MAPK8IP3: variants seen among roughly 807,000 people sequenced by gnomAD.
MAPK8IP3 encodes mitogen-activated protein kinase 8 interacting protein 3.
MAPK8IP3 carries 49 observed loss-of-function variants against 157.8 expected under a neutral mutation model. The observed-to-expected ratio is 0.31, with a 90% confidence interval of 0.25 to 0.39. The LOEUF is 0.39. MAPK8IP3 is among the 10% of genes least tolerant of loss of function. The pLI is 1.00. For missense variants in MAPK8IP3, 1,478 were observed against 1,889.4 expected, an observed-to-expected ratio of 0.78 and a Z score of 4.04; for synonymous variants, 897 against 777.7, an observed-to-expected ratio of 1.15 and a Z score of -2.55.
chr16:1,715,401 G>A (rs1170036087), intron 1 of MAPK8IP3, among the ~76,000 whole-genome samples: 2 of 152,170 alleles, frequency 1.3e-5, no homozygotes, highest in Admixed American at 1.3e-4. Context: ...TGTGGGAAAT[G>A]GAAAGAGCTC....
chr16:1,723,809 C>T (rs1410441196), intron 1 of MAPK8IP3, among the ~76,000 whole-genome samples: 1 of 152,188 alleles, frequency 6.6e-6, no homozygotes, highest in African/African-American at 2.4e-5. Flanking sequence ...TCACTGGCCC[C>T]CAGGCTCCTC....
chr16:1,742,539 G>A lies in MAPK8IP3; in HGVS notation c.603-793G>A, dbSNP rs1485001177. ...GGTCAGTCCTTACTCTGGATGTGTC[G>A]TGTTCAGATATTTTGCAGTGAGGCA... On this transcript the variant is annotated intron_variant, in intron 4 of 31. Transcript: ENST00000610761. This position sits in a 1 kb window ranked among gnomAD's most constrained non-coding sequence, Gnocchi z 5.0. 1.3e-5 allele frequency among the ~76,000 whole-genome samples: 2 copies of A among 152,178 alleles called. No homozygotes were observed. Among genetic ancestry groups the A allele is most frequent in the African/African-American group, 2.4e-5 (1 of 41,438 alleles).
intron 1 of MAPK8IP3, among the ~76,000 whole-genome samples, chr16:1,723,145 C>T (rs575654035): frequency 1.9e-4 from 29 of 149,582 alleles, no homozygotes; most frequent in African/African-American, 5.2e-4. Context: ...AGCGATTCTC[C>T]GCCTCAGCCT....
At chr16:1,734,387 G>A (rs941607526) in intron 4 of MAPK8IP3, among the ~76,000 whole-genome samples, 1 of 152,214 alleles carries the variant, frequency 6.6e-6, no homozygotes, top group Non-Finnish European at 1.5e-5. Context: ...CTGCTGTTGC[G>A]GTGGTGGCAT....
At chr16:1,740,016 G>A (rs542001868) in intron 4 of MAPK8IP3, among the ~76,000 whole-genome samples, 4 of 126,344 alleles carry the variant, frequency 3.2e-5, no homozygotes, top group Non-Finnish European at 4.9e-5. Flanking sequence ...CCGTGTGAGC[G>A]TGTGAGCATC....
rs1243482557 is a variant in MAPK8IP3, at chr16:1,742,237, CGGA to C, written c.603-1088_603-1086del. Among the ~76,000 whole-genome samples the C allele has an allele frequency of 6.6e-6, 1 of 152,148 alleles. No homozygotes were observed. The highest frequency in any genetic ancestry group is 2.4e-5 in the African/African-American group (1 of 41,416). Reference sequence around the variant, plus strand: ...TGGGCTGTTGACTGGAAACCTCCCGCGGAGGAGGACGTAAAGGGAGACCTTGGG... The same window carrying C: ...TGGGCTGTTGACTGGAAACCTCCCGCGGAGGACGTAAAGGGAGACCTTGGG... On this transcript the variant is annotated intron_variant, in intron 4 of 31. Coordinates refer to ENST00000610761, the MANE Select transcript of MAPK8IP3 (RefSeq NM_001318852.2). The surrounding 1 kb of genome is among the most constrained non-coding windows in gnomAD (Gnocchi z 5.0).
intron 2 of MAPK8IP3, among the ~76,000 whole-genome samples, chr16:1,725,185 A>AT (rs1221157237): frequency 1.2e-4 from 18 of 149,724 alleles, no homozygotes; most frequent in East Asian, 5.9e-4. Context: ...TATTATTATT[A>AT]TAAGAACAGT....
At chr16:1,740,213 C>A (rs897493867) in intron 4 of MAPK8IP3, among the ~76,000 whole-genome samples, 2 of 134,036 alleles carry the variant, frequency 1.5e-5, no homozygotes, top group Non-Finnish European at 3.2e-5. Context: ...TCCGTGTGAG[C>A]TTCCGTGTGA....
intron 4 of MAPK8IP3, among the ~76,000 whole-genome samples, chr16:1,736,166 G>C (rs1210323260): frequency 1.1e-4 from 13 of 122,636 alleles, no homozygotes; most frequent in Middle Eastern, 5.6e-3. Flanking sequence ...GTCCGTGTGA[G>C]CGTCCGTGTG....
chr16:1,729,949 C>T (rs888210894), intron 4 of MAPK8IP3, among the ~76,000 whole-genome samples: 1 of 145,290 alleles, frequency 6.9e-6, no homozygotes, highest in South Asian at 2.2e-4. Flanking sequence ...TGACTTATGC[C>T]TGTAATCCTA....
At chr16:1,759,848 C>G in intron 10 of MAPK8IP3, 110 bp from the exon 11 acceptor site, 1 of 969,938 alleles carries the variant, frequency 1.0e-6, no homozygotes, top group South Asian at 1.4e-5. Context: ...CGGGCGTCAT[C>G]CCCAGCCAGG....
Position 1,762,661 on chromosome 16 carries a change from G to A in MAPK8IP3, c.1671-14G>A, listed in dbSNP as rs1377028152. 1.9e-6 allele frequency: 3 copies of A among 1,543,078 alleles called. No homozygotes were observed. The highest frequency in any genetic ancestry group is 3.9e-5 in the Admixed American group (2 of 51,386). On this transcript the variant is annotated splice_polypyrimidine_tract_variant and intron_variant, in intron 14 of 31. Coordinates refer to ENST00000610761, the MANE Select transcript of MAPK8IP3 (RefSeq NM_001318852.2). Reference sequence around the variant, plus strand: ...AGGGCACTAGCAGGTTGCTCCCTGTGCCCTCCCCTGCAGAGCGTCCCGAGA... The same window carrying A: ...AGGGCACTAGCAGGTTGCTCCCTGTACCCTCCCCTGCAGAGCGTCCCGAGA...
intron 4 of MAPK8IP3, among the ~76,000 whole-genome samples, chr16:1,739,194 C>CCGTCCGTGTGAG (rs1290456562): frequency 1.1e-5 from 1 of 92,976 alleles, no homozygotes; most frequent in Non-Finnish European, 2.0e-5. Context: ...ATCCGTGTGA[C>CCGTCCGTGTGAG]CGTCCGTGTG....
intron 4 of MAPK8IP3, among the ~76,000 whole-genome samples, chr16:1,730,637 A>G (rs2039244582): frequency 6.6e-6 from 1 of 152,026 alleles, no homozygotes; most frequent in Non-Finnish European, 1.5e-5. Flanking sequence ...AGGTCAGGAG[A>G]TCGAGACCAT....
intron 20 of MAPK8IP3, 148 bp downstream of exon 20, chr16:1,765,326 A>G (rs1357190471): frequency 1.0e-6 from 1 of 995,800 alleles, no homozygotes; most frequent in East Asian, 2.7e-5. Context: ...GGCAGCACCC[A>G]GTCAAGTGAG....
At chr16:1,766,681 G>T in intron 23 of MAPK8IP3, 33 bp downstream of exon 23, 1 of 1,612,568 alleles carries the variant, frequency 6.2e-7, no homozygotes, top group Non-Finnish European at 8.5e-7. Context: ...TGGAGGGAGG[G>T]TCCTGGGTGA....
intron 5 of MAPK8IP3, chr16:1,744,637 C>T (rs912319687): frequency 1.0e-6 from 1 of 985,552 alleles, no homozygotes; most frequent in African/African-American, 1.7e-5. Flanking sequence ...GGGACCTGCC[C>T]ATAGGCATCT....
chr16:1,723,676 G>A (rs2142329980), intron 1 of MAPK8IP3, among the ~76,000 whole-genome samples: 1 of 152,212 alleles, frequency 6.6e-6, no homozygotes, highest in East Asian at 1.9e-4. Flanking sequence ...ACTTCTTCCA[G>A]TGAAATTTCT....
intron 8 of MAPK8IP3, among the ~76,000 whole-genome samples, chr16:1,749,915 G>A (rs765826126): frequency 3.9e-5 from 6 of 152,150 alleles, no homozygotes; most frequent in Non-Finnish European, 8.8e-5. Context: ...CCCAGTAGAG[G>A]CCATGTATGA....
Sources: gnomAD v4.1 joint callset for allele counts (sites outside exome capture counted in the v4.1 genomes callset) on GRCh38, gnomAD v4.1.1 for gene constraint, Gnocchi (gnomAD v3.1) non-coding constraint, MANE v1.5 for transcripts, NCBI Gene and HGNC (gene_info 2026-07-23, HGNC 2026-07-21) for gene names.